RYR3: variants seen among roughly 807,000 people sequenced by gnomAD.
RYR3 encodes the protein brain ryanodine receptor-calcium release channel.
A neutral mutation model predicts 584.3 loss-of-function variants in RYR3; 207 were observed. That is an observed-to-expected ratio of 0.35 (90% confidence interval 0.32 to 0.40). The LOEUF is 0.40. Ranked by LOEUF, RYR3 falls within the 10% of genes least tolerant of loss-of-function variation. RYR3 has a pLI of 1.00. For missense variants in RYR3, 5,616 were observed against 6,089.2 expected (o/e 0.92, Z 2.59); for synonymous variants, 2,416 against 2,248.5 (o/e 1.07, Z -2.11).
intron 1 of RYR3, among the ~76,000 whole-genome samples, chr15:33,395,601 A>G (rs933608930): frequency 6.6e-6 from 1 of 152,314 alleles, no homozygotes. Flanking sequence ...TTCCCGTGAC[A>G]CAGGCAGGCA....
chr15:33,431,299 C>T (rs1184210381), intron 1 of RYR3, among the ~76,000 whole-genome samples: 1 of 152,150 alleles, frequency 6.6e-6, no homozygotes, highest in African/African-American at 2.4e-5. Context: ...CAGCTCAACA[C>T]AGAGGGATCT....
chr15:33,531,028 G>A lies in RYR3; in HGVS notation c.354+362G>A, dbSNP rs138627906. Among the ~76,000 whole-genome samples, 6 of 151,982 alleles carry A rather than the reference G, an allele frequency of 3.9e-5. No individual in the cohort carries two copies. In the East Asian group the frequency reaches 5.8e-4, roughly 15 times the overall value. Reference sequence around the variant, plus strand: ...ATCAAATGGCTTATGGAGTAACAGAGCGCTTTAGTATACAAGGATAACCAG... The same window carrying A: ...ATCAAATGGCTTATGGAGTAACAGAACGCTTTAGTATACAAGGATAACCAG... On this transcript the variant is annotated intron_variant, in intron 4 of 103. Coordinates refer to ENST00000634891, the MANE Select transcript of RYR3 (RefSeq NM_001036.6).
At chr15:33,565,098 C>A (rs2339308) in intron 11 of RYR3, among the ~76,000 whole-genome samples, 1 of 151,976 alleles carries the variant, frequency 6.6e-6, no homozygotes. Flanking sequence ...AGATTTCTCG[C>A]AGAGAAGGAA....
chr15:33,705,101 T>TTCTCTCTCTCTCTCTCTCTCTCTCTC (rs10534581), intron 42 of RYR3, among the ~76,000 whole-genome samples: 12 of 142,210 alleles, frequency 8.4e-5, no homozygotes, highest in African/African-American at 3.2e-4. Context: ...CACACACTCT[T>TTCTCTCTCTCTCTCTCTCTCTCTCTC]TCTCTCTCTC....
At chr15:33,842,143 C>G (rs921648474) in intron 91 of RYR3, 108 bp downstream of exon 91, 1 of 1,199,062 alleles carries the variant, frequency 8.3e-7, no homozygotes, top group African/African-American at 1.5e-5. Context: ...CACTTCCTCC[C>G]CTTTCTCATT....
intron 1 of RYR3, among the ~76,000 whole-genome samples, chr15:33,445,046 T>C (rs550120947): frequency 6.6e-6 from 1 of 152,318 alleles, no homozygotes; most frequent in South Asian, 2.1e-4. Context: ...AAAAGGACAC[T>C]ATCAAAGGAT....
chr15:33,646,446 T>G lies in RYR3; in HGVS notation c.3861T>G (p.Tyr1287Ter), dbSNP rs1281019795. 6.2e-7 allele frequency: 1 copy of G among 1,614,006 alleles called. No homozygotes were observed. Among genetic ancestry groups the G allele is most frequent in the Non-Finnish European group, 8.5e-7 (1 of 1,179,872 alleles). ...AGAATAGCAATGCCGACATGATCTA[T>G]TGCCGCTTGAGCATGCCTGTCGAGT... ...GTQNSNADMIYCRLSMPVECH... is the reference protein window; with the variant it reads ...GTQNSNADMI The change falls in exon 29 of 104, where the codon TAT becomes TAG. Residue 1287 changes from tyrosine (Y) to a stop codon, truncating the protein, a stop_gained. Transcript: ENST00000634891. LOFTEE classifies it high-confidence loss of function.
chr15:33,703,016 C>G (rs995240415), intron 42 of RYR3, among the ~76,000 whole-genome samples: 2 of 152,136 alleles, frequency 1.3e-5, no homozygotes, highest in African/African-American at 4.8e-5. Flanking sequence ...TGGCCTTCCT[C>G]TAGCTGAGGC....
chr15:33,568,834 T>G (rs999422295), intron 12 of RYR3, among the ~76,000 whole-genome samples: 3 of 152,252 alleles, frequency 2.0e-5, no homozygotes, highest in African/African-American at 7.2e-5. Context: ...CTATGCTCAT[T>G]GCAGTTTATT....
At chr15:33,644,597 C>T (rs1000494580) in intron 28 of RYR3, 78 bp downstream of exon 28, 27 of 1,060,104 alleles carry the variant, frequency 2.5e-5, no homozygotes, top group Admixed American at 8.0e-5. Context: ...CTCCTGTCAA[C>T]AGGCAGCTGC....
Position 33,844,883 on chromosome 15 carries a change from GAA to G in RYR3, c.13319_13320del (p.Glu4440GlyfsTer13), listed in dbSNP as rs2078616144. The G allele has an allele frequency of 6.2e-7, 1 of 1,613,774 alleles. No individual in the cohort carries two copies. Among genetic ancestry groups the G allele is most frequent in the African/African-American group, 1.3e-5 (1 of 74,932 alleles). On this transcript the variant is annotated frameshift_variant, in exon 93 of 104. Coordinates refer to ENST00000634891, the MANE Select transcript of RYR3 (RefSeq NM_001036.6). LOFTEE classifies it high-confidence loss of function. ...FYKVTEEPLE[E>X]ETEDVANLWN... is the part of the protein sequence containing the mutation. ...CCAGGTCACTGAAGAACCTTTAGAA[GAA>G]GAGACAGAGGATGTTGCAAACCTAT...
chr15:33,425,943 G>T (rs2141667250), intron 1 of RYR3, among the ~76,000 whole-genome samples: 1 of 152,152 alleles, frequency 6.6e-6, no homozygotes, highest in East Asian at 1.9e-4. Context: ...CGCCTGGACT[G>T]TTTTTTTATT....
chr15:33,745,598 T>C (rs1436914772), intron 52 of RYR3, among the ~76,000 whole-genome samples: 3 of 152,108 alleles, frequency 2.0e-5, no homozygotes, highest in Non-Finnish European at 4.4e-5. Flanking sequence ...ACCCTAAAAG[T>C]TCTTAAACTT....
chr15:33,844,464 T>TA (rs1384201895), intron 92 of RYR3, among the ~76,000 whole-genome samples: 7 of 152,212 alleles, frequency 4.6e-5, no homozygotes, highest in African/African-American at 1.7e-4. Flanking sequence ...AAATACTGAG[T>TA]CTCTGGCTGG....
At chr15:33,469,886 C>T (rs909827697) in intron 1 of RYR3, among the ~76,000 whole-genome samples, 1 of 152,084 alleles carries the variant, frequency 6.6e-6, no homozygotes. Context: ...AAGGATCCAA[C>T]AGAAAGGCGG....
rs371004354 is a variant in RYR3, at chr15:33,699,767, C to G, written c.6313C>G (p.Arg2105Gly). 6.2e-7 allele frequency: 1 copy of G among 1,613,610 alleles called. No homozygotes were observed. The highest frequency in any genetic ancestry group is 1.3e-5 in the African/African-American group (1 of 74,886). The change falls in exon 41 of 104, where the codon CGG becomes GGG. Residue 2105 changes from arginine to glycine, a missense_variant. Physicochemically the swap from Arg to Gly is moderately radical, Grantham distance 125. Transcript: ENST00000634891. ...RFLCYFCRIS[R>G]QNQKAMFEHL... ...CCTTTGCTATTTCTGTCGAATTAGC[C>G]GGCAAAATCAGAAGGCCATGTTTGA...
At chr15:33,595,012 C>T (rs1289623112) in intron 16 of RYR3, among the ~76,000 whole-genome samples, 1 of 152,056 alleles carries the variant, frequency 6.6e-6, no homozygotes, top group Non-Finnish European at 1.5e-5. Context: ...AATTTTTATA[C>T]CAAATAAGCT....
intron 10 of RYR3, among the ~76,000 whole-genome samples, chr15:33,551,597 A>T (rs185926063): frequency 6.6e-6 from 1 of 151,896 alleles, no homozygotes; most frequent in Non-Finnish European, 1.5e-5. Context: ...GGCTTTTTTC[A>T]TATCTTTATT....
chr15:33,680,347 G>T (rs749286122), intron 38 of RYR3, among the ~76,000 whole-genome samples: 4 of 152,218 alleles, frequency 2.6e-5, no homozygotes, highest in Non-Finnish European at 4.4e-5. Context: ...GCCATTAACA[G>T]ATTTCACTGG....
Sources: allele counts gnomAD v4.1 joint callset (sites outside exome capture counted in the v4.1 genomes callset), GRCh38; gene constraint gnomAD v4.1.1; transcripts MANE v1.5; gene names NCBI Gene and HGNC (gene_info 2026-07-23, HGNC 2026-07-21).